Variants in TLK2 observed in about 807,000 individuals in gnomAD.
The protein encoded by TLK2 is serine/threonine-protein kinase tousled-like 2.
A neutral mutation model predicts 117.3 loss-of-function variants in TLK2; 6 were observed. That is an observed-to-expected ratio of 0.05 (90% CI 0.03 to 0.10). The LOEUF is 0.10. TLK2 is among the 10% of genes least tolerant of loss of function. The probability of loss-of-function intolerance (pLI) is 1.00; values close to 1 mark genes in which losing one functional copy is unlikely to be tolerated. For synonymous variants in TLK2, 257 were observed against 316.7 expected (o/e 0.81, Z 2.00); for missense variants, 299 against 901.2 (o/e 0.33, Z 8.56).
upstream of TLK2, chr17:62,478,059 C>T (rs2071132675): frequency 6.6e-6 from 1 of 152,048 alleles, no homozygotes; most frequent in Non-Finnish European, 1.5e-5. Context: ...ACCTTTTGTC[C>T]CTGGAGACGC....
Position 62,612,525 on chromosome 17 carries a change from C to G in TLK2, c.2213C>G (p.Ala738Gly), listed in dbSNP as rs779770777. The part of the protein sequence containing the change: ...STSSPAGAAI[A>G]STSGASNNSS... ...AGTAGCCCTGCTGGAGCTGCTATTGCATCAACCTCTGGGGCGTCCAATAAC... is the reference window on the plus strand; with the variant it reads ...AGTAGCCCTGCTGGAGCTGCTATTGGATCAACCTCTGGGGCGTCCAATAAC... Residue 738 changes from alanine to glycine, a missense_variant, in exon 22 of 22, where the codon GCA becomes GGA. Ala to Gly is a moderately conservative substitution (Grantham distance 60, BLOSUM62 0). Coordinates refer to ENST00000346027, the MANE Select transcript of TLK2 (RefSeq NM_006852.6). 1 of 1,614,166 alleles carries G rather than the reference C, an allele frequency of 6.2e-7. No individual in the cohort carries two copies. Among genetic ancestry groups the G allele is most frequent in the Non-Finnish European group, 8.5e-7 (1 of 1,180,008 alleles).
At chr17:62,556,463 T>G (rs1308895476) in intron 9 of TLK2, among the ~76,000 whole-genome samples, 4 of 152,232 alleles carry the variant, frequency 2.6e-5, no homozygotes, top group African/African-American at 9.6e-5. Flanking sequence ...TTTCTCTGCC[T>G]TACCGACCTG....
At chr17:62,541,833 C>A (rs2077557534) in intron 7 of TLK2, among the ~76,000 whole-genome samples, 1 of 151,240 alleles carries the variant, frequency 6.6e-6, no homozygotes, top group African/African-American at 2.4e-5. Context: ...CAAAGTGAGA[C>A]TCAGTCTCAA....
chr17:62,567,645 A>G (rs916412423), intron 11 of TLK2, among the ~76,000 whole-genome samples: 9 of 152,234 alleles, frequency 5.9e-5, no homozygotes, highest in Non-Finnish European at 1.2e-4. Context: ...AGAGGTCACA[A>G]TTCTGCACAT....
chr17:62,509,969 AT>A (rs1567818204), intron 2 of TLK2, among the ~76,000 whole-genome samples: 1 of 152,110 alleles, frequency 6.6e-6, no homozygotes, highest in Non-Finnish European at 1.5e-5. Flanking sequence ...CAGAAATTAA[AT>A]TTCTGTTTTT....
intron 6 of TLK2, among the ~76,000 whole-genome samples, chr17:62,529,870 A>AAGCTACT (rs770916050): frequency 1.8e-4 from 27 of 151,772 alleles, no homozygotes; most frequent in Admixed American, 3.9e-4. Context: ...CTCTGCTAGT[A>AAGCTACT]GCTAGGCTGT....
chr17:62,490,451 C>T (rs1437944335), intron 2 of TLK2, among the ~76,000 whole-genome samples: 3 of 152,230 alleles, frequency 2.0e-5, no homozygotes, highest in African/African-American at 4.8e-5. Context: ...CTTTCCCACA[C>T]TCCCCTCATT....
intron 2 of TLK2, among the ~76,000 whole-genome samples, chr17:62,516,959 C>T (rs1212175979): frequency 1.1e-4 from 17 of 152,264 alleles, no homozygotes; most frequent in African/African-American, 3.1e-4. Context: ...GGCTGGAGTG[C>T]GCTGGCAGTA....
At chr17:62,500,059 C>A (rs1390068624) in intron 2 of TLK2, among the ~76,000 whole-genome samples, 2 of 151,900 alleles carry the variant, frequency 1.3e-5, no homozygotes, top group African/African-American at 2.4e-5. Flanking sequence ...TAGATCGAGT[C>A]TTTATTATTA....
chr17:62,512,861 A>AAATATTATT (rs1555610961), intron 2 of TLK2, among the ~76,000 whole-genome samples: 163 of 141,158 alleles, frequency 1.2e-3, no homozygotes, highest in African/African-American at 4.1e-3. Flanking sequence ...AAAATTTATT[A>AAATATTATT]ATTATTATTA....
At chr17:62,524,611 GT>G (rs1445192778) in intron 6 of TLK2, among the ~76,000 whole-genome samples, 5 of 152,016 alleles carry the variant, frequency 3.3e-5, no homozygotes, top group African/African-American at 4.8e-5. Context: ...GAAACATTAG[GT>G]TTTTTCCCTT....
intron 2 of TLK2, chr17:62,516,857 C>T (rs7406122): frequency 0.33 from 267,741 of 812,390 alleles, 44,626 homozygotes; most frequent in Admixed American, 0.4. Flanking sequence ...TTAATTTTTG[C>T]ATGTGGTAAT....
chr17:62,592,265 A>C (rs1423455476), intron 16 of TLK2, among the ~76,000 whole-genome samples: 1 of 152,108 alleles, frequency 6.6e-6, no homozygotes, highest in Non-Finnish European at 1.5e-5. Flanking sequence ...GGCCAGAACT[A>C]CATTCTTAAA....
chr17:62,553,468 G>A, intron 8 of TLK2, 195 bp from the exon 9 acceptor site: 1 of 560,612 alleles, frequency 1.8e-6, no homozygotes, highest in South Asian at 2.1e-5. Flanking sequence ...GGTGTAGTGG[G>A]ACATAAGGAA....
chr17:62,591,795 C>T (rs989696111), intron 16 of TLK2, among the ~76,000 whole-genome samples: 5 of 152,068 alleles, frequency 3.3e-5, no homozygotes, highest in African/African-American at 9.6e-5. Context: ...TGGAGTTTAC[C>T]GGTTTCTGAA....
At chr17:62,520,224 T>A (rs562955931) in intron 2 of TLK2, among the ~76,000 whole-genome samples, 94 of 152,254 alleles carry the variant, frequency 6.2e-4, no homozygotes, top group Non-Finnish European at 1.1e-3. Context: ...CCCAGTATTC[T>A]CAGTGTGTCA....
chr17:62,607,156 G>C lies in TLK2; in HGVS notation c.1972-885G>C, dbSNP rs558340377. Among the ~76,000 whole-genome samples the C allele has an allele frequency of 2.0e-5, 3 of 151,840 alleles. No individual in the cohort carries two copies. In the South Asian group the frequency reaches 6.2e-4, roughly 32 times the overall value. ...AGAAATTATCTAGAAATAACTGTTTGAGAGAGATCTCAGTAGAACCAGTAT... is the reference window on the plus strand; with the variant it reads ...AGAAATTATCTAGAAATAACTGTTTCAGAGAGATCTCAGTAGAACCAGTAT... On this transcript the variant is annotated intron_variant, in intron 20 of 21. Transcript: ENST00000346027.
chr17:62,517,399 T>G (rs762421012), intron 2 of TLK2, among the ~76,000 whole-genome samples: 4 of 152,308 alleles, frequency 2.6e-5, no homozygotes, highest in African/African-American at 4.8e-5. Context: ...TTTATTGATT[T>G]ATTTATTTAT....
chr17:62,529,263 G>A (rs1482655988), intron 6 of TLK2, among the ~76,000 whole-genome samples: 1 of 151,838 alleles, frequency 6.6e-6, no homozygotes, highest in East Asian at 1.9e-4. Context: ...TTTGAGACAG[G>A]TTCTTGCTCT....
Sources: allele counts gnomAD v4.1 joint callset (sites outside exome capture counted in the v4.1 genomes callset), GRCh38; gene constraint gnomAD v4.1.1; transcripts MANE v1.5; gene names NCBI Gene and HGNC (gene_info 2026-07-23, HGNC 2026-07-21).